Variants in PLCG2 observed in about 807,000 individuals in gnomAD.
The protein encoded by PLCG2 is 1-phosphatidylinositol 4,5-bisphosphate phosphodiesterase gamma-2.
PLCG2 carries 69 observed loss-of-function variants against 175.6 expected under a neutral mutation model. The ratio of observed to expected loss-of-function variants is 0.39; its 90% CI spans 0.32 to 0.48. The LOEUF (loss-of-function observed/expected upper bound fraction) is 0.48, where lower values mean the gene tolerates loss of function less well. PLCG2 is among the 20% of genes least tolerant of loss of function. PLCG2 has a pLI of 0.91. For synonymous variants in PLCG2, 827 were observed against 624.0 expected (o/e 1.33, Z -4.85); for missense variants, 1,798 against 1,650.9 (o/e 1.09, Z -1.54).
chr16:81,956,877 G>C lies in PLCG2; in HGVS notation c.3753G>C (p.Lys1251Asn). Residue 1251 changes from lysine to asparagine, a missense_variant and splice_region_variant, in exon 32 of 33, where the codon AAG (lysine) becomes AAC (asparagine). Lys to Asn is a moderately conservative substitution (Grantham distance 94). Transcript: ENST00000564138. Reference protein sequence around the residue: ...QLQLYQEKCNKRLREKRVSNS... With the variant: ...QLQLYQEKCNNRLREKRVSNS... ...AGCTGTACCAGGAGAAATGCAACAA[G>C]AGGTAGGTCAGCCCCTCCACCTGCA... 1 of 1,612,818 alleles carries C rather than the reference G, an allele frequency of 6.2e-7. No homozygotes were observed. Among genetic ancestry groups the C allele is most frequent in the Non-Finnish European group, 8.5e-7 (1 of 1,179,012 alleles).
At chr16:81,921,024 CCTT>C (rs1910038694) in intron 20 of PLCG2, among the ~76,000 whole-genome samples, 171 bp from the exon 21 acceptor site, 1 of 152,088 alleles carries the variant, frequency 6.6e-6, no homozygotes. Context: ...AGTCTGGGGA[CCTT>C]CTTTATAGCT....
At chr16:81,749,077 A>T (rs1180514514) in intron 1 of PLCG2, among the ~76,000 whole-genome samples, 1 of 151,926 alleles carries the variant, frequency 6.6e-6, no homozygotes, top group Non-Finnish European at 1.5e-5. Context: ...TGCGACTTTC[A>T]CAAGGGGGCC....
chr16:81,911,603 A>G (rs1233315234), intron 18 of PLCG2, among the ~76,000 whole-genome samples: 2 of 149,434 alleles, frequency 1.3e-5, no homozygotes, highest in African/African-American at 4.9e-5. Flanking sequence ...CCAGCTAATT[A>G]ATTAATTAAT....
chr16:81,938,662 C>A (rs556175772), intron 28 of PLCG2, 139 bp from the exon 29 acceptor site: 1 of 609,070 alleles, frequency 1.6e-6, no homozygotes. Context: ...AAGGTTGCTC[C>A]GGCTTTTCCA....
At chr16:81,943,442 G>C (rs371832603) in intron 30 of PLCG2, among the ~76,000 whole-genome samples, 32 of 152,128 alleles carry the variant, frequency 2.1e-4, no homozygotes, top group African/African-American at 7.2e-4. Context: ...TCACTATCAT[G>C]AGAACAGCAA....
intron 2 of PLCG2, among the ~76,000 whole-genome samples, chr16:81,853,389 A>G (rs1324250469): frequency 6.6e-6 from 1 of 151,988 alleles, no homozygotes; most frequent in South Asian, 2.1e-4. Context: ...GTACAGCATC[A>G]TTTATGCCAG....
chr16:81,832,456 C>G (rs1478939708), intron 2 of PLCG2, among the ~76,000 whole-genome samples: 1 of 152,214 alleles, frequency 6.6e-6, no homozygotes, highest in African/African-American at 2.4e-5. Context: ...GTGGCATGAT[C>G]ACGGCTCACT....
chr16:81,805,300 C>G (rs970920817), intron 2 of PLCG2, among the ~76,000 whole-genome samples: 1 of 152,018 alleles, frequency 6.6e-6, no homozygotes. Context: ...GAGATCGAGA[C>G]CATCCTGACT....
chr16:81,854,536 T>C lies in PLCG2; in HGVS notation c.286T>C (p.Phe96Leu). The C allele has an allele frequency of 6.2e-7, 1 of 1,613,996 alleles. No homozygotes were observed. The highest frequency in any genetic ancestry group is 8.5e-7 in the Non-Finnish European group (1 of 1,179,826). Reference protein sequence around the residue: ...KAVRQKEDCCFTILYGTQFVL... With the variant: ...KAVRQKEDCCLTILYGTQFVL... Reference sequence around the variant, plus strand: ...AGTTCGCCAGAAAGAAGACTGCTGCTTCACCATCCTATATGGCACTCAGTT... The same window carrying C: ...AGTTCGCCAGAAAGAAGACTGCTGCCTCACCATCCTATATGGCACTCAGTT... The change falls in exon 3 of 33, where the codon TTC (phenylalanine) becomes CTC (leucine). Residue 96 changes from phenylalanine to leucine, a missense_variant. By Grantham distance (22) the Phe-to-Leu change is conservative. Transcript: ENST00000564138.
chr16:81,842,096 A>G (rs1905864051), intron 2 of PLCG2, among the ~76,000 whole-genome samples: 1 of 152,232 alleles, frequency 6.6e-6, no homozygotes, highest in Admixed American at 6.5e-5. Context: ...AGGAAACAGC[A>G]AAGAGAAGGG....
intron 2 of PLCG2, among the ~76,000 whole-genome samples, chr16:81,772,503 C>T (rs962971253): frequency 1.3e-5 from 2 of 151,942 alleles, no homozygotes; most frequent in Admixed American, 1.3e-4. Context: ...AATAAGGGCT[C>T]AGTGTTTGTC....
Position 81,895,812 on chromosome 16 carries a change from T to A in PLCG2, c.1078T>A (p.Cys360Ser). 4.3e-6 allele frequency: 7 copies of A among 1,614,106 alleles called. No individual in the cohort carries two copies. Among genetic ancestry groups the A allele is most frequent in the Non-Finnish European group, 5.9e-6 (7 of 1,180,010 alleles). Reference protein sequence around the residue: ...RMGCRCIELDCWDGPDGKPVI... With the variant: ...RMGCRCIELDSWDGPDGKPVI... The stretch of plus-strand genomic sequence containing the variant: ...TGCCGCGTTTCTCCCTGTAGTGGAC[T>A]GCTGGGACGGGCCCGATGGGAAGCC... The change falls in exon 13 of 33, where the codon TGC becomes AGC. Residue 360 changes from cysteine to serine, a missense_variant. By Grantham distance (112) the Cys-to-Ser change is moderately radical. Coordinates refer to ENST00000564138, the MANE Select transcript of PLCG2 (RefSeq NM_002661.5).
At position 81,907,633 on chromosome 16, in the gene PLCG2, A is replaced by T. The variant is rs1243726995; in HGVS notation, c.1468-52A>T. 5 of 1,327,972 alleles carry T rather than the reference A, an allele frequency of 3.8e-6. No homozygotes were observed. The African/African-American group carries it at 7.2e-5, about 19-fold the overall frequency. The allele number at this position is 1,327,972 out of a possible 1,614,324, so 82.3% of individuals were successfully genotyped here. On this transcript the variant is annotated intron_variant, in intron 15 of 32. Transcript: ENST00000564138. Reference sequence around the variant, plus strand: ...GCCCTGCAGGGCTCCTGGGCTCCACAGTTGATGAGGTAGAGGACTTGGGGG... The same window carrying T: ...GCCCTGCAGGGCTCCTGGGCTCCACTGTTGATGAGGTAGAGGACTTGGGGG...
rs1052665754 is a variant in PLCG2, at chr16:81,782,301, C to T, written c.-48+2877C>T. Among the ~76,000 whole-genome samples, 6 of 151,678 alleles carry T rather than the reference C, an allele frequency of 4.0e-5. No homozygotes were observed. In the East Asian group the frequency reaches 5.8e-4, roughly 15 times the overall value. On this transcript the variant is annotated intron_variant, in intron 1 of 32. Transcript: ENST00000564138. ...CAAAAATCAGTTATTCAAACTCAGC[C>T]ATATTTGTATTTACAAAATAAGTCA...
At chr16:81,956,051 T>C (rs1280624618) in intron 31 of PLCG2, among the ~76,000 whole-genome samples, 1 of 152,242 alleles carries the variant, frequency 6.6e-6, no homozygotes, top group Non-Finnish European at 1.5e-5. Context: ...GCTCATTAGC[T>C]GCTGCCACTC....
chr16:81,932,135 G>GACCT (rs1187809723), intron 25 of PLCG2, among the ~76,000 whole-genome samples: 1 of 152,128 alleles, frequency 6.6e-6, no homozygotes, highest in Non-Finnish European at 1.5e-5. Context: ...AGATGGGAGT[G>GACCT]ACCTTTTCAG....
intron 8 of PLCG2, among the ~76,000 whole-genome samples, chr16:81,881,747 C>T (rs1344359097): frequency 6.6e-6 from 1 of 152,116 alleles, no homozygotes; most frequent in Non-Finnish European, 1.5e-5. Flanking sequence ...CAGGTTCAAG[C>T]GATTCTCCTG....
At chr16:81,766,273 C>T (rs576392044) in intron 2 of PLCG2, among the ~76,000 whole-genome samples, 271 of 152,296 alleles carry the variant, frequency 1.8e-3, no homozygotes, top group Non-Finnish European at 3.3e-3. Context: ...AGGAGGGAAA[C>T]ACAGCCTCTC....
chr16:81,869,402 A>G (rs1907403833), intron 6 of PLCG2, 104 bp downstream of exon 6: 11 of 791,586 alleles, frequency 1.4e-5, no homozygotes, highest in South Asian at 1.5e-5. Context: ...AGTGCACAAG[A>G]AAATCCTTTG....
Sources: allele counts gnomAD v4.1 joint callset (sites outside exome capture counted in the v4.1 genomes callset), GRCh38; gene constraint gnomAD v4.1.1; transcripts MANE v1.5; gene names NCBI Gene and HGNC (gene_info 2026-07-23, HGNC 2026-07-21).